The following SPEG variants were observed in gnomAD, a reference collection of about 807,000 sequenced individuals.
The protein encoded by SPEG is striated muscle preferentially expressed protein kinase.
SPEG carries 114 observed loss-of-function variants against 300.4 expected under a neutral mutation model. The observed-to-expected ratio is 0.38, with a 90% CI of 0.33 to 0.44. SPEG has a LOEUF of 0.44. Among genes scored for constraint, SPEG ranks in the 20% least tolerant of loss-of-function variants. SPEG has a pLI of 1.00. For missense variants in SPEG, 4,201 were observed against 4,586.2 expected (o/e 0.92, Z 2.43); for synonymous variants, 1,964 against 2,018.9 (o/e 0.97, Z 0.73).
intron 38 of SPEG, among the ~76,000 whole-genome samples, 175 bp from the exon 39 acceptor site, chr2:219,491,619 G>T (rs1031928637): frequency 6.6e-6 from 1 of 152,118 alleles, no homozygotes; most frequent in African/African-American, 2.4e-5. Context: ...TATGTCTCTT[G>T]GGGTATGCCA....
In SPEG at chr2:219,489,733, C is replaced by T; in HGVS notation, c.8715C>T (p.Ser2905=). The T allele has an allele frequency of 1.2e-6, 2 of 1,613,904 alleles. No homozygotes were observed. The highest frequency in any genetic ancestry group is 1.7e-6 in the Non-Finnish European group (2 of 1,179,920). Reference sequence around the variant, plus strand: ...CTACTCCTGTGTATGTGGTGACTTCCTTTGTGTCTGCACCACCAGCCCCTG... The same window carrying T: ...CTACTCCTGTGTATGTGGTGACTTCTTTTGTGTCTGCACCACCAGCCCCTG... ...SSSTPVYVVT[S]FVSAPPAPEP... is the part of the protein sequence containing the mutation. Residue 2905 remains serine, a synonymous_variant, in exon 36 of 41, where the codon TCC becomes TCT. Transcript: ENST00000312358.
chr2:219,445,078 G>A lies in SPEG; in HGVS notation c.732G>A (p.Gly244=), dbSNP rs749807397. Residue 244 remains glycine, a synonymous_variant, in exon 3 of 41, where the codon GGG becomes GGA. Coordinates refer to ENST00000312358, the MANE Select transcript of SPEG (RefSeq NM_005876.5). This position sits in a 1 kb window ranked among gnomAD's most constrained non-coding sequence, Gnocchi z 6.1. ...SRANLVGASW[G]SEDSLSVASD... Reference sequence around the variant, plus strand: ...CTAATCTGGTGGGCGCAAGCTGGGGGTCAGAGGATAGCCTTTCCGTGGCCA... The same window carrying A: ...CTAATCTGGTGGGCGCAAGCTGGGGATCAGAGGATAGCCTTTCCGTGGCCA... The A allele has an allele frequency of 3.1e-6, 5 of 1,605,396 alleles. No homozygotes were observed. In the East Asian group the frequency reaches 1.1e-4, roughly 36 times the overall value.
intron 18 of SPEG, among the ~76,000 whole-genome samples, chr2:219,475,236 C>A (rs1218071178): frequency 6.6e-6 from 1 of 152,132 alleles, no homozygotes; most frequent in Non-Finnish European, 1.5e-5. Context: ...TCAACATGGG[C>A]TAAACAGGGT....
intron 6 of SPEG, among the ~76,000 whole-genome samples, chr2:219,456,209 T>C (rs1690166654): frequency 6.6e-6 from 1 of 152,250 alleles, no homozygotes; most frequent in Non-Finnish European, 1.5e-5. Flanking sequence ...AGGTTGTTTA[T>C]TGGGGGCCAT....
rs1035520188 is a variant in SPEG, at chr2:219,474,814, T to C, written c.4447+911T>C. Among the ~76,000 whole-genome samples, 9 of 100,910 alleles carry C rather than the reference T, an allele frequency of 8.9e-5. No individual in the cohort carries two copies. The East Asian group carries it at 1.2e-3, about 13-fold the overall frequency. The allele number at this position is 100,910 out of a possible 152,430, so 66.2% of individuals were successfully genotyped here. Reference sequence around the variant, plus strand: ...AGGATTCTTTTTTTTTTTTTTTTTTTTGAGACAGTCATCTCACTCTGTCAC... The same window carrying C: ...AGGATTCTTTTTTTTTTTTTTTTTTCTGAGACAGTCATCTCACTCTGTCAC... On this transcript the variant is annotated intron_variant, in intron 18 of 40. Coordinates refer to ENST00000312358, the MANE Select transcript of SPEG (RefSeq NM_005876.5).
chr2:219,492,647 A>G lies in SPEG; in HGVS notation c.9665A>G (p.Tyr3222Cys). The stretch of plus-strand genomic sequence containing the variant: ...GCCCACCCATGGTTGCAGGACGCCT[A>G]CCTGATGAAGCTGCGCCGCCAGACG... ...CLAHPWLQDA[Y>C]LMKLRRQTLT... The change falls in exon 41 of 41, where the codon TAC becomes TGC. Residue 3222 changes from tyrosine (Y) to cysteine (C), a missense_variant. Physicochemically the swap from Tyr to Cys is radical, Grantham distance 194. Around this residue, in one of 4 missense-constraint regions of SPEG, gnomAD observed 318 missense variants for 429.5 expected, o/e 0.74. Transcript: ENST00000312358. The G allele has an allele frequency of 6.2e-7, 1 of 1,611,326 alleles. No individual in the cohort carries two copies. The highest frequency in any genetic ancestry group is 8.5e-7 in the Non-Finnish European group (1 of 1,179,970).
Position 219,484,094 on chromosome 2 carries a change from G to C in SPEG, c.6631G>C (p.Ala2211Pro). 3 of 1,613,486 alleles carry C rather than the reference G, an allele frequency of 1.9e-6. No homozygotes were observed. The highest frequency in any genetic ancestry group is 2.5e-6 in the Non-Finnish European group (3 of 1,179,906). The change falls in exon 30 of 41, where the codon GCC (alanine) becomes CCC (proline). Residue 2211 changes from alanine to proline, a missense_variant. Physicochemically the swap from Ala to Pro is conservative, Grantham distance 27. Coordinates refer to ENST00000312358, the MANE Select transcript of SPEG (RefSeq NM_005876.5). ...TCCGCAGCCCCCCGCACCCCAGCCT[G>C]CCCAAGACAAGGCTCCAGAGCCCAG... Reference protein sequence around the residue: ...DAPQPPAPQPAQDKAPEPRPE... With the variant: ...DAPQPPAPQPPQDKAPEPRPE...
chr2:219,485,667 T>C (rs1171678564), intron 31 of SPEG, among the ~76,000 whole-genome samples, 190 bp downstream of exon 31: 1 of 152,228 alleles, frequency 6.6e-6, no homozygotes, highest in Admixed American at 6.5e-5. Flanking sequence ...TTAAACACTT[T>C]ACAAGCACTG....
In SPEG at chr2:219,480,740, C is replaced by T; in HGVS notation, c.5369+43C>T. On this transcript the variant is annotated intron_variant, in intron 26 of 40. Transcript: ENST00000312358. This position sits in a 1 kb window ranked among gnomAD's most constrained non-coding sequence, Gnocchi z 5.3. The stretch of plus-strand genomic sequence containing the variant: ...ATGTCCCAGCAGTCTCCTGGCAGGT[C>T]TACCCCTAACCTTTGCAGGGCTGCA... 2 of 1,601,886 alleles carry T rather than the reference C, an allele frequency of 1.2e-6. No individual in the cohort carries two copies. Among genetic ancestry groups the T allele is most frequent in the East Asian group, 2.2e-5 (1 of 44,814 alleles).
At chr2:219,490,348 A>T in intron 36 of SPEG, 61 bp from the exon 37 acceptor site, 1 of 1,560,628 alleles carries the variant, frequency 6.4e-7, no homozygotes, top group Admixed American at 1.7e-5. Flanking sequence ...GTTAGCCCTC[A>T]CTATGGAAGT....
chr2:219,485,831 C>G (rs1375283922), intron 31 of SPEG, among the ~76,000 whole-genome samples: 1 of 152,198 alleles, frequency 6.6e-6, no homozygotes, highest in African/African-American at 2.4e-5. Flanking sequence ...CCTTCTGCAG[C>G]CAGGTCCCTG....
Position 219,479,803 on chromosome 2 carries a change from G to A in SPEG, c.5106G>A (p.Gln1702=). Residue 1702 remains glutamine (Q), a synonymous_variant, in exon 24 of 41, where the codon CAG becomes CAA. Transcript: ENST00000312358. This position sits in a 1 kb window ranked among gnomAD's most constrained non-coding sequence, Gnocchi z 5.5. The part of the protein sequence containing the change: ...CESEIRAYMR[Q]VLEGIHYLHQ... ...CACAGATCCGGGCCTATATGCGGCA[G>A]GTGCTAGAGGGAATACACTACCTGC... 1.9e-6 allele frequency: 3 copies of A among 1,614,024 alleles called. No individual in the cohort carries two copies. The highest frequency in any genetic ancestry group is 2.5e-6 in the Non-Finnish European group (3 of 1,179,984).
chr2:219,483,700 C>G lies in SPEG; in HGVS notation c.6237C>G (p.Pro2079=), dbSNP rs1338913112. ...GCCAGCGGCTGCTGCGGGGAGGCCC[C>G]GAGGATGGCAAGGTCAGCGGCCTCA... ...ALRQRLLRGG[P]EDGKVSGLRG... Residue 2079 remains proline (P), a synonymous_variant, in exon 30 of 41, where the codon CCC becomes CCG. Transcript: ENST00000312358. 6.5e-7 allele frequency: 1 copy of G among 1,534,228 alleles called. No homozygotes were observed. Among genetic ancestry groups the G allele is most frequent in the Admixed American group, 2.0e-5 (1 of 51,244 alleles).
chr2:219,445,506 G>A lies in SPEG; in HGVS notation c.815+345G>A, dbSNP rs941937561. 6.5e-5 allele frequency: 24 copies of A among 370,702 alleles called. No homozygotes were observed. The East Asian group carries it at 8.7e-4, about 13-fold the overall frequency. 23.0% of individuals were successfully genotyped at this position (370,702 alleles called of 1,614,324 possible). ...CAGTTGTCCCCAGGATCCCTCCCCC[G>A]ACCCGGGGGCCCCCTTGGTGCCTGC... is the stretch of plus-strand genomic sequence containing the variant. On this transcript the variant is annotated intron_variant, in intron 3 of 40. Coordinates refer to ENST00000312358, the MANE Select transcript of SPEG (RefSeq NM_005876.5). The surrounding 1 kb of genome is among the most constrained non-coding windows in gnomAD (Gnocchi z 6.1).
At position 219,451,177 on chromosome 2, in the gene SPEG, C is replaced by T; in HGVS notation, c.2155C>T (p.Leu719=). 1 of 1,613,920 alleles carries T rather than the reference C, an allele frequency of 6.2e-7. No individual in the cohort carries two copies. The highest frequency in any genetic ancestry group is 8.5e-7 in the Non-Finnish European group (1 of 1,179,942). Reference sequence around the variant, plus strand: ...CTACGTGTCCGCTGGAGAAGAGCCCCTAGAGGCCCCTGTGTTTGAGATCCC... The same window carrying T: ...CTACGTGTCCGCTGGAGAAGAGCCCTTAGAGGCCCCTGTGTTTGAGATCCC... The part of the protein sequence containing the change: ...DSYVSAGEEP[L]EAPVFEIPLQ... Residue 719 remains leucine (L), a synonymous_variant, in exon 5 of 41, where the codon CTA becomes TTA. Transcript: ENST00000312358. This position sits in a 1 kb window ranked among gnomAD's most constrained non-coding sequence, Gnocchi z 6.4.
In SPEG at chr2:219,468,665, A is replaced by G. The variant is rs768465237; in HGVS notation, c.3230A>G (p.Glu1077Gly). The change falls in exon 11 of 41, where the codon GAG becomes GGG. Residue 1077 changes from glutamate to glycine, a missense_variant. Physicochemically the swap from Glu to Gly is moderately conservative, Grantham distance 98. This residue lies in a region of SPEG where 1,047 missense variants were observed against 1,356.8 expected (regional missense o/e 0.77). Coordinates refer to ENST00000312358, the MANE Select transcript of SPEG (RefSeq NM_005876.5). ...TRLLEDVEVL[E>G]GRAARFDCKI... ...CTGCTGGAAGATGTGGAGGTGTTGG[A>G]GGGCCGAGCTGCCCGTTTCGACTGC... 6.2e-7 allele frequency: 1 copy of G among 1,614,036 alleles called. No homozygotes were observed. Among genetic ancestry groups the G allele is most frequent in the Non-Finnish European group, 8.5e-7 (1 of 1,179,988 alleles).
At chr2:219,442,960 C>G in intron 1 of SPEG, 2 of 667,920 alleles carry the variant, frequency 3.0e-6, no homozygotes, top group South Asian at 3.8e-5. Context: ...GGAAGCTGGT[C>G]ACTCTGGGTC....
At chr2:219,454,834 T>G (rs1232449071) in intron 6 of SPEG, among the ~76,000 whole-genome samples, 1 of 152,164 alleles carries the variant, frequency 6.6e-6, no homozygotes, top group Non-Finnish European at 1.5e-5. Context: ...TGAATCACAC[T>G]TGTAATCCCA....
Position 219,483,436 on chromosome 2 carries a change from C to T in SPEG, c.5973C>T (p.Ala1991=). The stretch of plus-strand genomic sequence containing the variant: ...ACCAGGAGGCTCCCAGCCCAGAGGC[C>T]CTCCCCTCCCCAGGCCAGGAGCCCG... ...SQDQEAPSPE[A]LPSPGQEPAA... The change falls in exon 30 of 41, where the codon GCC becomes GCT. Residue 1991 remains alanine (A), a synonymous_variant. Coordinates refer to ENST00000312358, the MANE Select transcript of SPEG (RefSeq NM_005876.5). 6.5e-7 allele frequency: 1 copy of T among 1,549,754 alleles called. No individual in the cohort carries two copies.
Sources: gnomAD v4.1 joint callset for allele counts (sites outside exome capture counted in the v4.1 genomes callset) on GRCh38, gnomAD v4.1.1 for gene constraint, gnomAD v4.1.1 regional missense constraint, Gnocchi (gnomAD v3.1) non-coding constraint, MANE v1.5 for transcripts, NCBI Gene and HGNC (gene_info 2026-07-23, HGNC 2026-07-21) for gene names.